NOSTRIN: variants seen among roughly 807,000 people sequenced by gnomAD.
The protein encoded by NOSTRIN is nitric oxide synthase trafficking.
In NOSTRIN, 63 loss-of-function variants were observed where a neutral mutation model predicts 59.0. The observed-to-expected ratio is 1.07, with a 90% CI of 0.87 to 1.32. The LOEUF (loss-of-function observed/expected upper bound fraction) is 1.32, where lower values mean the gene tolerates loss of function less well. Ranked by LOEUF, NOSTRIN falls within the 40% of genes most tolerant of loss-of-function variation. The pLI is 0.00. For missense variants in NOSTRIN, 512 were observed against 473.1 expected, an observed-to-expected ratio of 1.08 and a Z score of -0.76; for synonymous variants, 200 against 165.4, an observed-to-expected ratio of 1.21 and a Z score of -1.61.
chr2:168,835,714 T>C (rs1457230631), intron 7 of NOSTRIN, among the ~76,000 whole-genome samples: 1 of 152,144 alleles, frequency 6.6e-6, no homozygotes, highest in Non-Finnish European at 1.5e-5. Context: ...GGGCAGCTTT[T>C]CAGGTTGCAG....
At chr2:168,844,080 A>G (rs1351575537) in intron 8 of NOSTRIN, among the ~76,000 whole-genome samples, 3 of 152,256 alleles carry the variant, frequency 2.0e-5, no homozygotes, top group Non-Finnish European at 4.4e-5. Context: ...ATGTTGAGGA[A>G]AAGAAATATA....
chr2:168,828,625 ATACT>A, intron 5 of NOSTRIN, 124 bp downstream of exon 5: 2 of 419,632 alleles, frequency 4.8e-6, no homozygotes, highest in Non-Finnish European at 8.6e-6. Flanking sequence ...AATAAAATAA[ATACT>A]TTTATTTATT....
chr2:168,812,565 A>G (rs1483641473), intron 2 of NOSTRIN, among the ~76,000 whole-genome samples: 2 of 152,210 alleles, frequency 1.3e-5, no homozygotes, highest in African/African-American at 4.8e-5. Flanking sequence ...GTTCAAAAGT[A>G]TTTCTCTCTC....
chr2:168,839,701 G>A (rs1212273485), intron 7 of NOSTRIN, among the ~76,000 whole-genome samples: 1 of 151,342 alleles, frequency 6.6e-6, no homozygotes, highest in Non-Finnish European at 1.5e-5. Flanking sequence ...ATTACCTGAG[G>A]TCAGGAGTTC....
intron 7 of NOSTRIN, among the ~76,000 whole-genome samples, chr2:168,840,085 G>C (rs1687983305): frequency 6.6e-6 from 1 of 151,680 alleles, no homozygotes; most frequent in Admixed American, 6.6e-5. Context: ...CATTCCTGGG[G>C]TGCTGAGCAT....
chr2:168,842,765 T>A (rs1688176096), intron 7 of NOSTRIN, among the ~76,000 whole-genome samples: 1 of 152,226 alleles, frequency 6.6e-6, no homozygotes, highest in Admixed American at 6.5e-5. Flanking sequence ...TCTCCTCATG[T>A]GTAAAATTGG....
intron 15 of NOSTRIN, 45 bp from the exon 16 acceptor site, chr2:168,864,789 G>A (rs202072618): frequency 2.5e-4 from 401 of 1,608,514 alleles, no homozygotes; most frequent in Non-Finnish European, 3.3e-4. Flanking sequence ...GCTGAGGCAT[G>A]TGTTCACATC....
chr2:168,862,050 G>C lies in NOSTRIN; in HGVS notation c.1384+1G>C. The C allele has an allele frequency of 6.2e-7, 1 of 1,613,188 alleles. No individual in the cohort carries two copies. Among genetic ancestry groups the C allele is most frequent in the Non-Finnish European group, 8.5e-7 (1 of 1,179,164 alleles). ...GATGATGAGTTGAATTTGGAAAAGG[G>C]TAAGAATCATTCTCAAATATTTTAA... On this transcript the variant is annotated splice_donor_variant, in intron 15 of 15. Coordinates refer to ENST00000317647, the MANE Select transcript of NOSTRIN (RefSeq NM_001039724.4). LOFTEE classifies it high-confidence loss of function.
chr2:168,836,207 A>G (rs149578176), intron 7 of NOSTRIN, among the ~76,000 whole-genome samples: 1,551 of 152,368 alleles, frequency 0.01, 25 homozygotes, highest in African/African-American at 0.035. Context: ...AGGCGAACCC[A>G]GTCTGTTAAA....
chr2:168,818,168 T>G, intron 2 of NOSTRIN: 1 of 331,368 alleles, frequency 3.0e-6, no homozygotes, highest in Non-Finnish European at 6.3e-6. Flanking sequence ...TTTATGTTTT[T>G]TAGAGATGGG....
At chr2:168,849,436 A>G (rs1688616088) in intron 8 of NOSTRIN, among the ~76,000 whole-genome samples, 1 of 151,836 alleles carries the variant, frequency 6.6e-6, no homozygotes, top group Admixed American at 6.6e-5. Flanking sequence ...GCTCACTGCA[A>G]CCACCACCTC....
chr2:168,855,420 A>T lies in NOSTRIN; in HGVS notation c.924A>T (p.Arg308Ser). The T allele has an allele frequency of 6.2e-7, 1 of 1,611,476 alleles. No homozygotes were observed. Among genetic ancestry groups the T allele is most frequent in the Non-Finnish European group, 8.5e-7 (1 of 1,178,002 alleles). ...RKSLLKPKLL[R>S]LQRDIEKASK... Reference sequence around the variant, plus strand: ...CTTTACTAAAACCAAAATTATTGAGACTGCAGAGAGACATTGAAAAAGCCT... The same window carrying T: ...CTTTACTAAAACCAAAATTATTGAGTCTGCAGAGAGACATTGAAAAAGCCT... Residue 308 changes from arginine to serine, a missense_variant, in exon 11 of 16, where the codon AGA becomes AGT. Arg to Ser is a moderately radical substitution (Grantham distance 110). Coordinates refer to ENST00000317647, the MANE Select transcript of NOSTRIN (RefSeq NM_001039724.4).
At chr2:168,860,279 G>T (rs376219164) in intron 13 of NOSTRIN, among the ~76,000 whole-genome samples, 1 of 152,350 alleles carries the variant, frequency 6.6e-6, no homozygotes, top group African/African-American at 2.4e-5. Flanking sequence ...AGGCTATAAA[G>T]TATAGTAATT....
chr2:168,841,869 A>C (rs2177076), intron 7 of NOSTRIN, among the ~76,000 whole-genome samples: 94,741 of 152,134 alleles, frequency 0.62, 30,118 homozygotes, highest in African/African-American at 0.74. Flanking sequence ...GTTTAACAAA[A>C]TACGGACATC....
chr2:168,791,253 T>C (rs1189571238), intron 2 of NOSTRIN, among the ~76,000 whole-genome samples: 1 of 152,230 alleles, frequency 6.6e-6, no homozygotes, highest in Non-Finnish European at 1.5e-5. Flanking sequence ...TTTGGTTTTT[T>C]GTCCTTGCAA....
At chr2:168,860,488 C>T (rs142499836) in intron 13 of NOSTRIN, among the ~76,000 whole-genome samples, 5,143 of 152,088 alleles carry the variant, frequency 0.034, 278 homozygotes, top group African/African-American at 0.11. Flanking sequence ...CTGGCTGACA[C>T]GGTGAAACCC....
At position 168,831,552 on chromosome 2, in the gene NOSTRIN, C is replaced by T; in HGVS notation, c.405+18C>T. On this transcript the variant is annotated intron_variant, in intron 6 of 15. Transcript: ENST00000317647. ...AAATTAAGGCAAGTATCCACAAATA[C>T]CATTTGTGTAAACTCAGTTTTTAGA... is the stretch of plus-strand genomic sequence containing the variant. 1.2e-6 allele frequency: 1 copy of T among 849,388 alleles called. No individual in the cohort carries two copies. Among genetic ancestry groups the T allele is most frequent in the Non-Finnish European group, 2.1e-6 (1 of 483,038 alleles). The allele number at this position is 849,388 out of a possible 1,614,324, so 52.6% of individuals were successfully genotyped here.
intron 10 of NOSTRIN, among the ~76,000 whole-genome samples, chr2:168,853,416 T>C (rs530010681): frequency 2.4e-4 from 37 of 152,250 alleles, no homozygotes; most frequent in African/African-American, 7.9e-4. Context: ...GTTCAAAAGA[T>C]TGTTATCTGT....
In NOSTRIN at chr2:168,847,172, G is replaced by T. The variant is rs1305241223; in HGVS notation, c.631-3912G>T. Among the ~76,000 whole-genome samples the T allele has an allele frequency of 3.9e-5, 6 of 152,102 alleles. No homozygotes were observed. The East Asian group carries it at 9.6e-4, about 24-fold the overall frequency. ...AAACTGTTCACATGTACGGTTAAGT[G>T]GAAAAAACAGAATTTCAAATTTGAA... On this transcript the variant is annotated intron_variant, in intron 8 of 15. Transcript: ENST00000317647.
Sources: allele counts gnomAD v4.1 joint callset (sites outside exome capture counted in the v4.1 genomes callset), GRCh38; gene constraint gnomAD v4.1.1; transcripts MANE v1.5; gene names NCBI Gene and HGNC (gene_info 2026-07-23, HGNC 2026-07-21).